SLC25A26: variants seen among roughly 807,000 people sequenced by gnomAD.
SLC25A26 encodes the protein mitochondrial S-adenosylmethionine carrier protein.
A neutral mutation model predicts 37.8 loss-of-function variants in SLC25A26; 36 were observed. The ratio of observed to expected loss-of-function variants is 0.95; its 90% CI spans 0.73 to 1.26. The LOEUF is 1.26. Ranked by LOEUF, SLC25A26 falls within the 50% of genes most tolerant of loss-of-function variation. SLC25A26 has a pLI of 0.00. For synonymous variants in SLC25A26, 129 were observed against 122.5 expected, an observed-to-expected ratio of 1.05 and a Z score of -0.35; for missense variants, 390 against 331.1, an observed-to-expected ratio of 1.18 and a Z score of -1.38.
rs560844391 is a variant in SLC25A26 at position 66,320,284 on chromosome 3, T to C, written c.454-26080T>C. On this transcript the variant is annotated intron_variant, in intron 5 of 9. Transcript: ENST00000354883. ...CCCACTCTCCCCTCACCCCAGCCCC[T>C]AGTAACTTCTAATCCACTTTATGTC... is the stretch of plus-strand genomic sequence containing the variant. Among the ~76,000 whole-genome samples the C allele has an allele frequency of 1.5e-3, 224 of 152,224 alleles. 1 individual carries two copies. The highest frequency in any genetic ancestry group is 5.1e-3 in the African/African-American group (212 of 41,538).
At position 66,198,880 on chromosome 3, in the gene SLC25A26, T is replaced by C. The variant is rs886639244; in HGVS notation, c.-353-21862T>C. Among the ~76,000 whole-genome samples, 156 of 151,114 alleles carry C rather than the reference T, an allele frequency of 1.0e-3. 5 individuals are homozygous for C. The highest frequency in any genetic ancestry group is 3.5e-3 in the African/African-American group (143 of 41,196). On this transcript the variant is annotated intron_variant, in intron 1 of 10. Transcript: ENST00000676754. ...TCACACGCGTTTTGACCCTGACCCA[T>C]TCCCTGACTGATCTTGACCTTGATC...
intron 1 of SLC25A26, among the ~76,000 whole-genome samples, chr3:66,180,478 G>A (rs761759879): frequency 8.5e-5 from 13 of 152,198 alleles, no homozygotes; most frequent in Non-Finnish European, 1.5e-4. Flanking sequence ...GGAATGGCTG[G>A]CAAGAGGGAA....
At chr3:66,177,516 A>T (rs1423627120) in intron 1 of SLC25A26, among the ~76,000 whole-genome samples, 2 of 152,104 alleles carry the variant, frequency 1.3e-5, no homozygotes, top group Non-Finnish European at 2.9e-5. Context: ...CTTCCTTACC[A>T]ACTCCTTGTT....
chr3:66,185,500 T>C (rs2070808035), intron 1 of SLC25A26, among the ~76,000 whole-genome samples: 1 of 152,186 alleles, frequency 6.6e-6, no homozygotes, highest in Non-Finnish European at 1.5e-5. Flanking sequence ...TAGTAATTTT[T>C]AATTTTTTGA....
At chr3:66,282,707 A>G (rs1367733731) in intron 5 of SLC25A26, among the ~76,000 whole-genome samples, 1 of 152,252 alleles carries the variant, frequency 6.6e-6, no homozygotes, top group Non-Finnish European at 1.5e-5. Flanking sequence ...GATTTATTTT[A>G]AGAATTATAC....
intron 1 of SLC25A26, among the ~76,000 whole-genome samples, chr3:66,149,344 T>G (rs1318490214): frequency 6.6e-6 from 1 of 152,102 alleles, no homozygotes; most frequent in Non-Finnish European, 1.5e-5. Flanking sequence ...AACTGAAAGA[T>G]GGAAGAAAAA....
intron 3 of SLC25A26, among the ~76,000 whole-genome samples, chr3:66,260,178 A>G (rs1435383940): frequency 1.3e-5 from 2 of 152,022 alleles, no homozygotes; most frequent in African/African-American, 4.8e-5. Flanking sequence ...ATTTCCCATA[A>G]TCTTTGTCCA....
At chr3:66,321,126 G>A (rs570228861) in intron 5 of SLC25A26, among the ~76,000 whole-genome samples, 10 of 152,284 alleles carry the variant, frequency 6.6e-5, no homozygotes, top group African/African-American at 2.4e-4. Context: ...TCATCACATA[G>A]TGTTACAGTG....
intron 1 of SLC25A26, among the ~76,000 whole-genome samples, chr3:66,209,928 A>G (rs1411260532): frequency 1.3e-5 from 1 of 74,684 alleles, no homozygotes; most frequent in South Asian, 4.6e-4. Flanking sequence ...ATATATATAT[A>G]TATATATATA....
chr3:66,311,750 C>T (rs781050455), intron 5 of SLC25A26, among the ~76,000 whole-genome samples: 43 of 152,266 alleles, frequency 2.8e-4, no homozygotes, highest in South Asian at 2.3e-3. Flanking sequence ...TCAGGCCCCT[C>T]TGCTGCAGGT....
chr3:66,241,690 G>A (rs1350292497), intron 2 of SLC25A26, among the ~76,000 whole-genome samples: 3 of 152,274 alleles, frequency 2.0e-5, no homozygotes, highest in South Asian at 2.1e-4. Context: ...GGACTTTTGT[G>A]TGTGGTGTCT....
chr3:66,374,955 G>C (rs905096206), intron 9 of SLC25A26, among the ~76,000 whole-genome samples: 1 of 152,212 alleles, frequency 6.6e-6, no homozygotes, highest in Non-Finnish European at 1.5e-5. Flanking sequence ...GGAAAGCTGA[G>C]ATAGGCCAGA....
intron 9 of SLC25A26, chr3:66,371,220 T>C: frequency 1.3e-6 from 2 of 1,524,256 alleles, no homozygotes; most frequent in Non-Finnish European, 1.8e-6. Context: ...TACCAGGGAT[T>C]TTCTTGCAAG....
intron 1 of SLC25A26, among the ~76,000 whole-genome samples, chr3:66,147,749 T>C (rs949866646): frequency 2.0e-5 from 3 of 151,964 alleles, no homozygotes; most frequent in African/African-American, 7.3e-5. Context: ...CACTAACATC[T>C]ATTGTTTTTT....
At chr3:66,343,549 A>G (rs529614022) in intron 5 of SLC25A26, among the ~76,000 whole-genome samples, 9 of 152,344 alleles carry the variant, frequency 5.9e-5, no homozygotes, top group African/African-American at 1.7e-4. Flanking sequence ...GAGCAGCTCA[A>G]TGAATAACTT....
chr3:66,253,621 A>ACTG (rs1301592750), intron 3 of SLC25A26, among the ~76,000 whole-genome samples: 1 of 152,150 alleles, frequency 6.6e-6, no homozygotes, highest in African/African-American at 2.4e-5. Flanking sequence ...CAGAAGGCAT[A>ACTG]CTGCCTGACT....
At chr3:66,273,896 C>A (rs1369939415) in intron 5 of SLC25A26, among the ~76,000 whole-genome samples, 6 of 152,106 alleles carry the variant, frequency 3.9e-5, no homozygotes. Flanking sequence ...TTGGAAAAAA[C>A]TACTTTAAAG....
chr3:66,179,881 A>G (rs1322627229), intron 1 of SLC25A26, among the ~76,000 whole-genome samples: 1 of 152,216 alleles, frequency 6.6e-6, no homozygotes, highest in East Asian at 1.9e-4. Flanking sequence ...TATTCATAAA[A>G]TGTGCCAGAT....
chr3:66,299,067 T>C (rs1440895994), intron 5 of SLC25A26, among the ~76,000 whole-genome samples: 1 of 152,232 alleles, frequency 6.6e-6, no homozygotes, highest in East Asian at 1.9e-4. Context: ...TATGTGTGTG[T>C]ACACATGAAT....
Sources: gnomAD v4.1 joint callset for allele counts (sites outside exome capture counted in the v4.1 genomes callset) on GRCh38, gnomAD v4.1.1 for gene constraint, MANE v1.5 for transcripts, NCBI Gene and HGNC (gene_info 2026-07-23, HGNC 2026-07-21) for gene names.